Variants in PIP4K2A observed in about 807,000 individuals in gnomAD.
PIP4K2A encodes the protein phosphatidylinositol-5-phosphate 4-kinase type 2 alpha.
In PIP4K2A, 14 loss-of-function variants were observed where a neutral mutation model predicts 42.9. That is an observed-to-expected ratio of 0.33 (90% CI 0.22 to 0.51). The LOEUF is 0.51. Ranked by LOEUF, PIP4K2A falls within the 20% of genes least tolerant of loss-of-function variation. PIP4K2A has a pLI of 0.97. For missense variants in PIP4K2A, 434 were observed against 519.8 expected (o/e 0.83, Z 1.61); for synonymous variants, 192 against 192.2 (o/e 1.00, Z 0.01).
intron 1 of PIP4K2A, among the ~76,000 whole-genome samples, chr10:22,634,228 C>T (rs1838614211): frequency 6.6e-6 from 1 of 152,218 alleles, no homozygotes; most frequent in Non-Finnish European, 1.5e-5. Context: ...CGGGACAGAA[C>T]AGAAGTGGCC....
chr10:22,681,613 T>C (rs1263657796), intron 1 of PIP4K2A, among the ~76,000 whole-genome samples: 1 of 152,082 alleles, frequency 6.6e-6, no homozygotes, highest in East Asian at 1.9e-4. Flanking sequence ...GGGTAGAGGC[T>C]GCATTGAGCC....
In PIP4K2A at chr10:22,591,773, C is replaced by T; in HGVS notation, c.348G>A (p.Leu116=). The change falls in exon 4 of 10, where the codon CTG becomes CTA. Residue 116 remains leucine, a synonymous_variant. Transcript: ENST00000376573. ...GIDDQDFQNS[L]TRSAPLPNDS... is the part of the protein sequence containing the mutation. ...CGTTGGGGAGGGGTGCGCTCCTGGT[C>T]AGGGAATTCTTCCCGGGTGGGGTAA... 1 of 1,608,952 alleles carries T rather than the reference C, an allele frequency of 6.2e-7. No individual in the cohort carries two copies. The highest frequency in any genetic ancestry group is 8.5e-7 in the Non-Finnish European group (1 of 1,177,284).
chr10:22,656,184 C>A (rs1839096334), intron 1 of PIP4K2A, among the ~76,000 whole-genome samples: 1 of 152,176 alleles, frequency 6.6e-6, no homozygotes, highest in African/African-American at 2.4e-5. Flanking sequence ...AGTTCTGACT[C>A]CCGTGTGAGG....
At chr10:22,553,211 C>T (rs545131603) in intron 6 of PIP4K2A, among the ~76,000 whole-genome samples, 3 of 152,266 alleles carry the variant, frequency 2.0e-5, no homozygotes, top group Admixed American at 6.5e-5. Flanking sequence ...GATCAAGAGG[C>T]GAAGGCGGAT....
chr10:22,541,204 T>G (rs888257373), intron 8 of PIP4K2A, among the ~76,000 whole-genome samples: 1 of 152,128 alleles, frequency 6.6e-6, no homozygotes, highest in Admixed American at 6.5e-5. Flanking sequence ...GGCCCTTCCA[T>G]GGGGGAGGAC....
intron 1 of PIP4K2A, among the ~76,000 whole-genome samples, chr10:22,610,572 G>C (rs1838009415): frequency 6.6e-6 from 1 of 152,208 alleles, no homozygotes; most frequent in East Asian, 1.9e-4. Flanking sequence ...TGAGCTGCTT[G>C]ATAGAGCTAT....
intron 3 of PIP4K2A, among the ~76,000 whole-genome samples, chr10:22,596,155 A>G (rs542763687): frequency 7.4e-6 from 1 of 135,764 alleles, no homozygotes; most frequent in South Asian, 2.5e-4. Flanking sequence ...CAGTGAGCTG[A>G]GATTGTGCCA....
intron 1 of PIP4K2A, among the ~76,000 whole-genome samples, chr10:22,630,011 G>A (rs992492803): frequency 6.6e-6 from 1 of 152,138 alleles, no homozygotes; most frequent in African/African-American, 2.4e-5. Context: ...GATGCTCTCT[G>A]TATTTCTCAA....
In PIP4K2A at chr10:22,568,875, C is replaced by T. The variant is rs138826666; in HGVS notation, c.640-986G>A. ...TGGAGAAGAATCACAGGCCAATTTC[C>T]TGGGCTCCCTTCCCCTCCTGCACTG... On this transcript the variant is annotated intron_variant, in intron 5 of 9. Transcript: ENST00000376573. 1,209 of 627,420 alleles carry T rather than the reference C, an allele frequency of 1.9e-3. 13 individuals carry two copies. The highest frequency in any genetic ancestry group is 0.019 in the African/African-American group (1,031 of 54,664). 38.9% of individuals were successfully genotyped at this position (627,420 alleles called of 1,614,324 possible).
intron 1 of PIP4K2A, among the ~76,000 whole-genome samples, chr10:22,690,894 A>C (rs1181030851): frequency 2.0e-5 from 3 of 152,220 alleles, no homozygotes; most frequent in African/African-American, 7.2e-5. Flanking sequence ...AAAGGGATTC[A>C]ATACAAACAC....
chr10:22,587,747 A>C (rs751679603), intron 4 of PIP4K2A, among the ~76,000 whole-genome samples: 2 of 152,196 alleles, frequency 1.3e-5, no homozygotes, highest in Non-Finnish European at 2.9e-5. Flanking sequence ...TTCAAACAGA[A>C]GCCAGAATGG....
chr10:22,544,044 G>A lies in PIP4K2A; in HGVS notation c.793-1997C>T, dbSNP rs532181756. ...TGCTCTCTATCAGCTACCTCTGGAGGCTGCCTTAAAGCAGCTTTCCCCTCT... is the reference window on the plus strand; with the variant it reads ...TGCTCTCTATCAGCTACCTCTGGAGACTGCCTTAAAGCAGCTTTCCCCTCT... On this transcript the variant is annotated intron_variant, in intron 7 of 9. Coordinates refer to ENST00000376573, the MANE Select transcript of PIP4K2A (RefSeq NM_005028.5). Among the ~76,000 whole-genome samples, 30 of 152,274 alleles carry A rather than the reference G, an allele frequency of 2.0e-4. No homozygotes were observed. The South Asian group carries it at 5.6e-3, about 28-fold the overall frequency.
chr10:22,653,468 T>C (rs975053824), intron 1 of PIP4K2A, among the ~76,000 whole-genome samples: 1 of 152,220 alleles, frequency 6.6e-6, no homozygotes, highest in Non-Finnish European at 1.5e-5. Flanking sequence ...AACAACAGGC[T>C]CACCTTCCAC....
chr10:22,697,926 G>A (rs1016427791), intron 1 of PIP4K2A, among the ~76,000 whole-genome samples: 1 of 152,124 alleles, frequency 6.6e-6, no homozygotes, highest in South Asian at 2.1e-4. Flanking sequence ...ACTTACATGG[G>A]AAGAATTCTG....
chr10:22,540,796 C>G (rs985188186), intron 8 of PIP4K2A, among the ~76,000 whole-genome samples: 2 of 152,220 alleles, frequency 1.3e-5, no homozygotes, highest in Non-Finnish European at 2.9e-5. Context: ...CTCAGGTGAT[C>G]TGCCTGCCGC....
intron 9 of PIP4K2A, among the ~76,000 whole-genome samples, chr10:22,538,775 G>A (rs1836005378): frequency 6.7e-6 from 1 of 150,254 alleles, no homozygotes; most frequent in Non-Finnish European, 1.5e-5. Context: ...AAGCCACCAG[G>A]CACACTTGCT....
intron 7 of PIP4K2A, among the ~76,000 whole-genome samples, chr10:22,543,071 A>G (rs963310097): frequency 5.3e-5 from 8 of 152,208 alleles, no homozygotes; most frequent in Admixed American, 3.3e-4. Context: ...CAAAGGGCAA[A>G]CAGATAAAAT....
intron 1 of PIP4K2A, among the ~76,000 whole-genome samples, chr10:22,674,197 G>A (rs1438479600): frequency 6.6e-6 from 1 of 152,116 alleles, no homozygotes; most frequent in Non-Finnish European, 1.5e-5. Context: ...CCAGCAACCA[G>A]CAGACACTGT....
At chr10:22,623,660 GT>G (rs2130750929) in intron 1 of PIP4K2A, among the ~76,000 whole-genome samples, 1 of 152,288 alleles carries the variant, frequency 6.6e-6, no homozygotes, top group East Asian at 1.9e-4. Context: ...GCAACCAATT[GT>G]AGGTTACATG....
Sources: allele counts gnomAD v4.1 joint callset (sites outside exome capture counted in the v4.1 genomes callset), GRCh38; gene constraint gnomAD v4.1.1; transcripts MANE v1.5; gene names NCBI Gene and HGNC (gene_info 2026-07-23, HGNC 2026-07-21).